The following USP33 variants were observed in gnomAD, a reference collection of about 807,000 sequenced individuals.
USP33 encodes ubiquitin specific peptidase 33.
USP33 carries 46 observed loss-of-function variants against 124.2 expected under a neutral mutation model. That is an observed-to-expected ratio of 0.37 (90% confidence interval 0.29 to 0.47). The LOEUF (loss-of-function observed/expected upper bound fraction) is 0.47, where lower values mean the gene tolerates loss of function less well. Among genes scored for constraint, USP33 ranks in the 20% least tolerant of loss-of-function variants. The probability of loss-of-function intolerance (pLI) is 0.99; values close to 1 mark genes in which losing one functional copy is unlikely to be tolerated. For synonymous variants in USP33, 350 were observed against 352.3 expected (o/e 0.99, Z 0.07); for missense variants, 851 against 1,070.6 (o/e 0.79, Z 2.86).
chr1:77,723,239 G>A (rs1676778824), intron 12 of USP33, 92 bp downstream of exon 12: 1 of 924,706 alleles, frequency 1.1e-6, no homozygotes, highest in East Asian at 2.6e-5. Flanking sequence ...CAATAGCAAA[G>A]AGAAGGAATT....
In USP33 at chr1:77,738,809, C is replaced by G. The variant is rs1371444624; in HGVS notation, c.351+456G>C. Among the ~76,000 whole-genome samples, 5 of 152,264 alleles carry G rather than the reference C, an allele frequency of 3.3e-5. No individual in the cohort carries two copies. In the East Asian group the frequency reaches 9.7e-4, roughly 29 times the overall value. ...GGGAGAAAAATCTTTAACCCAAAGA[C>G]TGATGCTAAGCTTTATTATATTCTA... On this transcript the variant is annotated intron_variant, in intron 5 of 23. Transcript: ENST00000370794.
intron 15 of USP33, among the ~76,000 whole-genome samples, chr1:77,719,934 G>A (rs1676371047): frequency 6.6e-6 from 1 of 150,798 alleles, no homozygotes; most frequent in Non-Finnish European, 1.5e-5. Flanking sequence ...GGCCAATGTT[G>A]GCAAATCATG....
At chr1:77,723,669 G>GT (rs567520137) in intron 11 of USP33, among the ~76,000 whole-genome samples, 3 of 150,906 alleles carry the variant, frequency 2.0e-5, no homozygotes, top group South Asian at 2.1e-4. Flanking sequence ...GTTTTTTTTT[G>GT]TTTTTTTGTT....
At chr1:77,707,455 G>A (rs1176183163) in intron 21 of USP33, among the ~76,000 whole-genome samples, 2 of 152,162 alleles carry the variant, frequency 1.3e-5, no homozygotes. Context: ...GACAACTGAG[G>A]ATGATCTCAT....
chr1:77,704,217 G>T (rs1441804983), intron 21 of USP33, among the ~76,000 whole-genome samples: 1 of 152,180 alleles, frequency 6.6e-6, no homozygotes, highest in African/African-American at 2.4e-5. Flanking sequence ...ATGGAACAAT[G>T]AAATGGAAAA....
intron 6 of USP33, among the ~76,000 whole-genome samples, chr1:77,734,653 T>A (rs1678213545): frequency 6.6e-6 from 1 of 152,212 alleles, no homozygotes; most frequent in Admixed American, 6.5e-5. Context: ...AAGAACAGTC[T>A]TTCCTATTAA....
chr1:77,759,436 C>G (rs974902563), intron 1 of USP33: 1 of 395,404 alleles, frequency 2.5e-6, no homozygotes, highest in Non-Finnish European at 4.5e-6. Context: ...GTTGACAGGG[C>G]GACCACTAGA....
At chr1:77,713,107 T>C (rs565289855) in intron 20 of USP33, 93 bp downstream of exon 20, 121 of 997,186 alleles carry the variant, frequency 1.2e-4, no homozygotes, top group Non-Finnish European at 1.7e-4. Flanking sequence ...AATAAACACA[T>C]AGCACAAGGA....
chr1:77,718,068 A>T (rs1385793956), intron 16 of USP33, 21 bp from the exon 17 acceptor site: 1 of 1,563,436 alleles, frequency 6.4e-7, no homozygotes, highest in Admixed American at 1.9e-5. Flanking sequence ...ATAAAATTCA[A>T]AACTAATTTG....
intron 22 of USP33, 137 bp from the exon 23 acceptor site, chr1:77,698,068 C>CTTTT: frequency 2.3e-6 from 1 of 428,722 alleles, no homozygotes; most frequent in Non-Finnish European, 4.0e-6. Context: ...ATAGTTAATT[C>CTTTT]TTTTTTTTTT....
chr1:77,741,306 T>C (rs143499743), intron 3 of USP33, 70 bp downstream of exon 3: 41 of 1,452,868 alleles, frequency 2.8e-5, no homozygotes, highest in Admixed American at 7.5e-5. Context: ...AAAAATTTTC[T>C]GGTTATGATT....
At chr1:77,757,946 C>T (rs1680954321) in intron 1 of USP33, among the ~76,000 whole-genome samples, 1 of 152,132 alleles carries the variant, frequency 6.6e-6, no homozygotes, top group African/African-American at 2.4e-5. Flanking sequence ...CATCTCAATT[C>T]TGAATTTCAA....
intron 15 of USP33, chr1:77,720,692 TA>T: frequency 4.8e-6 from 4 of 826,830 alleles, no homozygotes; most frequent in Non-Finnish European, 5.8e-6. Context: ...TAAGAAGCAT[TA>T]AAAGTCTAAA....
At chr1:77,729,803 AT>A in intron 9 of USP33, 56 bp downstream of exon 9, 1 of 1,561,110 alleles carries the variant, frequency 6.4e-7, no homozygotes, top group South Asian at 1.1e-5. Context: ...AAAAAACATA[AT>A]GGCATTTTCC....
chr1:77,723,626 G>A (rs780036267), intron 11 of USP33, among the ~76,000 whole-genome samples, 183 bp from the exon 12 acceptor site: 1 of 151,944 alleles, frequency 6.6e-6, no homozygotes, highest in Non-Finnish European at 1.5e-5. Context: ...AAAAATAAAA[G>A]AAACTAAGCA....
At chr1:77,717,682 A>G (rs1676081163) in intron 17 of USP33, 185 bp downstream of exon 17, 1 of 366,142 alleles carries the variant, frequency 2.7e-6, no homozygotes, top group Non-Finnish European at 4.8e-6. Context: ...ATGTTTATTT[A>G]TTTATTTTGT....
In USP33 at chr1:77,716,893, T is replaced by C. The variant is rs543679523; in HGVS notation, c.1918+974A>G. On this transcript the variant is annotated intron_variant, in intron 17 of 23. Coordinates refer to ENST00000370794, the MANE Select transcript of USP33 (RefSeq NM_201624.3). ...CTTTTTTTTTTTTTTGACATGGAGT[T>C]TTGCTCTTGTTGCCCAGGCTGGAGT... 4.0e-5 allele frequency among the ~76,000 whole-genome samples: 6 copies of C among 151,662 alleles called. No individual in the cohort carries two copies. The South Asian group carries it at 1.3e-3, about 32-fold the overall frequency.
chr1:77,715,500 C>T (rs528779715), intron 18 of USP33, among the ~76,000 whole-genome samples: 7 of 152,274 alleles, frequency 4.6e-5, no homozygotes, highest in Non-Finnish European at 1.0e-4. Context: ...CCACTGTGCC[C>T]GGCACTAAAA....
At chr1:77,733,642 T>G (rs1678101332) in intron 7 of USP33, among the ~76,000 whole-genome samples, 1 of 152,056 alleles carries the variant, frequency 6.6e-6, no homozygotes, top group South Asian at 2.1e-4. Flanking sequence ...CAACACGATA[T>G]CCAAAGGAAA....
Sources: allele counts gnomAD v4.1 joint callset (sites outside exome capture counted in the v4.1 genomes callset), GRCh38; gene constraint gnomAD v4.1.1; transcripts MANE v1.5; gene names NCBI Gene and HGNC (gene_info 2026-07-23, HGNC 2026-07-21).